Variants in ERFL observed in about 807,000 individuals in gnomAD.
ERFL encodes the protein ETS domain-containing transcription factor ERF-like.
Under a neutral mutation model 27.9 loss-of-function variants are expected in ERFL, and 8 were observed. The ratio of observed to expected loss-of-function variants is 0.29; its 90% confidence interval spans 0.17 to 0.52. The LOEUF is 0.52. Among genes scored for constraint, ERFL ranks in the 20% least tolerant of loss-of-function variants. The pLI is 0.97. For missense variants in ERFL, 294 were observed against 444.4 expected (o/e 0.66, Z 3.04); for synonymous variants, 174 against 202.8 (o/e 0.86, Z 1.21).
In ERFL at chr19:41,917,244, T is replaced by C. The variant is rs1227045229; in HGVS notation, c.-13-4312A>G. Among the ~76,000 whole-genome samples, 1 of 152,048 alleles carries C rather than the reference T, an allele frequency of 6.6e-6. No individual in the cohort carries two copies. Among genetic ancestry groups the C allele is most frequent in the Non-Finnish European group, 1.5e-5 (1 of 68,012 alleles). ...ATCTCCATCTCTGAGTGTCTCTGTT[T>C]CCCCCATCTCTCTCTCTGGGTGCAT... On this transcript the variant is annotated intron_variant, in intron 1 of 5. Coordinates refer to ENST00000597630, the MANE Select transcript of ERFL (RefSeq NM_001365103.2). This position sits in a 1 kb window ranked among gnomAD's most constrained non-coding sequence, Gnocchi z 4.8.
Position 41,910,291 on chromosome 19 carries a change from C to T in ERFL, c.68-194G>A, listed in dbSNP as rs2074744673. 6.6e-6 allele frequency among the ~76,000 whole-genome samples: 1 copy of T among 152,260 alleles called. No individual in the cohort carries two copies. Among genetic ancestry groups the T allele is most frequent in the East Asian group, 1.9e-4 (1 of 5,176 alleles). ...AATTACCCAAATAAGGGCAAGAACC[C>T]AGTCATCCAGGGACCCTGGGTTGGT... On this transcript the variant is annotated intron_variant, in intron 2 of 5. Coordinates refer to ENST00000597630, the MANE Select transcript of ERFL (RefSeq NM_001365103.2). This position sits in a 1 kb window ranked among gnomAD's most constrained non-coding sequence, Gnocchi z 4.4.
intron 1 of ERFL, 121 bp from the exon 2 acceptor site, chr19:41,913,053 C>T (rs1369402032): frequency 1.7e-5 from 7 of 410,602 alleles, no homozygotes; most frequent in Admixed American, 4.4e-5. Flanking sequence ...GCCTGACACC[C>T]TCTCCCCGCA....
rs1555851168 is a variant in ERFL at position 41,910,720 on chromosome 19, T to C, written c.68-623A>G. Among the ~76,000 whole-genome samples the C allele has an allele frequency of 6.6e-6, 1 of 152,158 alleles. No homozygotes were observed. Among genetic ancestry groups the C allele is most frequent in the African/African-American group, 2.4e-5 (1 of 41,424 alleles). On this transcript the variant is annotated intron_variant, in intron 2 of 5. Transcript: ENST00000597630. This position sits in a 1 kb window ranked among gnomAD's most constrained non-coding sequence, Gnocchi z 4.4. ...CGTCCAAGAGCAGTCCAGAACGATG[T>C]GTGTGTGTGCGTGGACACACACATG... is the stretch of plus-strand genomic sequence containing the variant.
In ERFL at chr19:41,909,345, G is replaced by A; in HGVS notation, c.429C>T (p.Ser143=). 8.1e-7 allele frequency: 1 copy of A among 1,235,940 alleles called. No individual in the cohort carries two copies. The highest frequency in any genetic ancestry group is 1.0e-6 in the Non-Finnish European group (1 of 989,542). The allele number at this position is 1,235,940 out of a possible 1,614,324, so 76.6% of individuals were successfully genotyped here. Residue 143 remains serine (S), a synonymous_variant, in exon 4 of 6, where the codon TCC becomes TCT. Transcript: ENST00000597630. The surrounding 1 kb of genome is among the most constrained non-coding windows in gnomAD (Gnocchi z 5.2). The part of the protein sequence containing the change: ...LLDMAAAATG[S]PLLLTPSPFG... ...AGGGACTGGGGGTCAGCAAGAGTGGGGAGCCAGTGGCAGCTGCCGCCATGT... is the reference window on the plus strand; with the variant it reads ...AGGGACTGGGGGTCAGCAAGAGTGGAGAGCCAGTGGCAGCTGCCGCCATGT...
chr19:41,926,736 C>G (rs1459082613), intron 1 of ERFL, among the ~76,000 whole-genome samples: 9 of 152,094 alleles, frequency 5.9e-5, no homozygotes, highest in Non-Finnish European at 1.2e-4. Flanking sequence ...GGCGGGGGGG[C>G]CGTTTAGCCG....
rs781882822 is a variant in ERFL at position 41,910,503 on chromosome 19, C to T, written c.68-406G>A. 3.9e-5 allele frequency among the ~76,000 whole-genome samples: 6 copies of T among 152,256 alleles called. No individual in the cohort carries two copies. In the South Asian group the frequency reaches 6.2e-4, roughly 16 times the overall value. ...GAGGTCTCTAGTCTCTTGTACCCTG[C>T]GGTGCCCTCAGCTCTTACTGTCTCT... On this transcript the variant is annotated intron_variant, in intron 2 of 5. Transcript: ENST00000597630. The surrounding 1 kb of genome is among the most constrained non-coding windows in gnomAD (Gnocchi z 4.4).
Position 41,910,904 on chromosome 19 carries a change from CA to C in ERFL, c.68-808del, listed in dbSNP as rs2074747934. ...AAGACTCAAGGTCACGTCATCTCAA[CA>C]ACCCCACAGTGCACACCCATCACAA... is the stretch of plus-strand genomic sequence containing the variant. On this transcript the variant is annotated intron_variant, in intron 2 of 5. Transcript: ENST00000597630. The surrounding 1 kb of genome is among the most constrained non-coding windows in gnomAD (Gnocchi z 4.4). Among the ~76,000 whole-genome samples the C allele has an allele frequency of 6.6e-6, 1 of 152,066 alleles. No homozygotes were observed. Among genetic ancestry groups the C allele is most frequent in the Non-Finnish European group, 1.5e-5 (1 of 67,978 alleles).
intron 1 of ERFL, among the ~76,000 whole-genome samples, chr19:41,920,700 CAT>C (rs782270756): frequency 3.6e-4 from 55 of 152,382 alleles, no homozygotes; most frequent in Non-Finnish European, 7.1e-4. Flanking sequence ...GTCACACAGT[CAT>C]GTGCACATGC....
At chr19:41,922,008 C>G (rs1599679882) in intron 1 of ERFL, among the ~76,000 whole-genome samples, 1 of 151,904 alleles carries the variant, frequency 6.6e-6, no homozygotes, top group Admixed American at 6.6e-5. Context: ...CCTCCACCCC[C>G]AGCCTCACTC....
Position 41,908,235 on chromosome 19 carries a change from C to T in ERFL, c.1058G>A (p.Gly353Asp), listed in dbSNP as rs2074729450. ...CCATTGCCCCCTGCCGGCTCAGCTGCCGGTCCCCCCTTTGCCCGCCTTTGC... is the reference window on the plus strand; with the variant it reads ...CCATTGCCCCCTGCCGGCTCAGCTGTCGGTCCCCCCTTTGCCCGCCTTTGC... Reference protein sequence around the residue: ...PKAKAGKGGTGS With the variant: ...PKAKAGKGGTDS Residue 353 changes from glycine to aspartate, a missense_variant, in exon 6 of 6, where the codon GGC becomes GAC. Gly to Asp is a moderately conservative substitution (Grantham distance 94). This residue lies in a region of ERFL where 246 missense variants were observed against 371.4 expected (regional missense o/e 0.66). Transcript: ENST00000597630. This position sits in a 1 kb window ranked among gnomAD's most constrained non-coding sequence, Gnocchi z 6.7. 1.6e-6 allele frequency: 2 copies of T among 1,231,640 alleles called. No individual in the cohort carries two copies. Among genetic ancestry groups the T allele is most frequent in the South Asian group, 8.2e-5 (2 of 24,332 alleles). 76.3% of individuals were successfully genotyped at this position (1,231,640 alleles called of 1,614,324 possible). A position where few individuals can be genotyped will look rare whatever the true frequency, so the allele number is the denominator to read the frequency against.
intron 2 of ERFL, 87 bp downstream of exon 2, chr19:41,912,766 C>T (rs923687111): frequency 2.7e-5 from 10 of 365,820 alleles, no homozygotes; most frequent in Middle Eastern, 7.9e-4. Context: ...GAGTGAGACA[C>T]GTGGAGACAC....
intron 1 of ERFL, among the ~76,000 whole-genome samples, chr19:41,914,636 T>G (rs1555851616): frequency 3.7e-5 from 1 of 27,090 alleles, no homozygotes; most frequent in Non-Finnish European, 6.0e-5. Flanking sequence ...TCTGTCTCTG[T>G]CTCTCCCTCC....
Position 41,919,509 on chromosome 19 carries a change from G to A in ERFL, c.-13-6577C>T, listed in dbSNP as rs1159550047. ...TTACCACCCACGTGTGCACGTGCAC[G>A]CGTACACACACACACACACACACAC... On this transcript the variant is annotated intron_variant, in intron 1 of 5. Coordinates refer to ENST00000597630, the MANE Select transcript of ERFL (RefSeq NM_001365103.2). Among the ~76,000 whole-genome samples, 11 of 131,528 alleles carry A rather than the reference G, an allele frequency of 8.4e-5. No homozygotes were observed. The South Asian group carries it at 9.2e-4, about 11-fold the overall frequency. 86.3% of individuals were successfully genotyped at this position (131,528 alleles called of 152,430 possible).
Position 41,909,805 on chromosome 19 carries a change from C to A in ERFL, c.302+58G>T. On this transcript the variant is annotated intron_variant, in intron 3 of 5. Coordinates refer to ENST00000597630, the MANE Select transcript of ERFL (RefSeq NM_001365103.2). This position sits in a 1 kb window ranked among gnomAD's most constrained non-coding sequence, Gnocchi z 5.2. ...CTGCCCCAGGATGCAGAGGGGGCAC[C>A]AGAGGGACAGTTGGGGGAAAAGGAC... 1 of 1,507,706 alleles carries A rather than the reference C, an allele frequency of 6.6e-7. No homozygotes were observed. Among genetic ancestry groups the A allele is most frequent in the Non-Finnish European group, 8.9e-7 (1 of 1,122,292 alleles). 93.4% of individuals were successfully genotyped at this position (1,507,706 alleles called of 1,614,324 possible).
chr19:41,910,764 C>G lies in ERFL; in HGVS notation c.68-667G>C, dbSNP rs1272597477. Among the ~76,000 whole-genome samples the G allele has an allele frequency of 6.6e-6, 1 of 152,194 alleles. No homozygotes were observed. The highest frequency in any genetic ancestry group is 1.5e-5 in the Non-Finnish European group (1 of 68,034). ...ACACATGCCCACGGAAGACATGTCA[C>G]ACAGACATCAGTTCACTTGCCTGAG... On this transcript the variant is annotated intron_variant, in intron 2 of 5. Transcript: ENST00000597630. The surrounding 1 kb of genome is among the most constrained non-coding windows in gnomAD (Gnocchi z 4.4).
chr19:41,910,209 A>T lies in ERFL; in HGVS notation c.68-112T>A. 9.6e-7 allele frequency: 1 copy of T among 1,044,212 alleles called. No individual in the cohort carries two copies. The allele number at this position is 1,044,212 out of a possible 1,614,324, so 64.7% of individuals were successfully genotyped here. On this transcript the variant is annotated intron_variant, in intron 2 of 5. Coordinates refer to ENST00000597630, the MANE Select transcript of ERFL (RefSeq NM_001365103.2). This position sits in a 1 kb window ranked among gnomAD's most constrained non-coding sequence, Gnocchi z 4.4. ...ATGTAGTTCTCCTCCAGTCTCAGGC[A>T]TCTTTAGGGACCTGGTTTCCACACT...
At chr19:41,915,700 T>C (rs1463540337) in intron 1 of ERFL, among the ~76,000 whole-genome samples, 2 of 152,104 alleles carry the variant, frequency 1.3e-5, no homozygotes, top group East Asian at 3.9e-4. Flanking sequence ...TCTCCATGTC[T>C]CTATGTCTCT....
Position 41,922,828 on chromosome 19 carries a change from T to C in ERFL, c.-14+5212A>G, listed in dbSNP as rs1555852690. On this transcript the variant is annotated intron_variant, in intron 1 of 5. Transcript: ENST00000597630. ...AGAGCAATAAATTATTGTGACAAGA[T>C]GCAATCCTGGCCCGCGCACTGCCGC... Among the ~76,000 whole-genome samples, 3 of 152,160 alleles carry C rather than the reference T, an allele frequency of 2.0e-5. No homozygotes were observed. The East Asian group carries it at 5.8e-4, about 29-fold the overall frequency.
At position 41,920,093 on chromosome 19, in the gene ERFL, CACAG is replaced by C. The variant is rs782107471; in HGVS notation, c.-13-7165_-13-7162del. ...GACACACTCACAGACATGACACGCT[CACAG>C]ACATACACTCACAGACATGACACGC... On this transcript the variant is annotated intron_variant, in intron 1 of 5. Transcript: ENST00000597630. 5.3e-3 allele frequency among the ~76,000 whole-genome samples: 691 copies of C among 129,268 alleles called. 6 individuals carry two copies. The highest frequency in any genetic ancestry group is 0.017 in the African/African-American group (569 of 32,916). The allele number at this position is 129,268 out of a possible 152,430, so 84.8% of individuals were successfully genotyped here.
Sources: allele counts gnomAD v4.1 joint callset (sites outside exome capture counted in the v4.1 genomes callset), GRCh38; gene constraint gnomAD v4.1.1; regional missense constraint gnomAD v4.1.1; non-coding constraint Gnocchi (gnomAD v3.1); transcripts MANE v1.5; gene names NCBI Gene and HGNC (gene_info 2026-07-23, HGNC 2026-07-21).